SGMS1: variants seen among roughly 807,000 people sequenced by gnomAD.
SGMS1 encodes sphingomyelin synthase 1.
In SGMS1, 13 loss-of-function variants were observed where a neutral mutation model predicts 46.2. The observed-to-expected ratio is 0.28, with a 90% confidence interval of 0.18 to 0.45. SGMS1 has a LOEUF of 0.45. Among genes scored for constraint, SGMS1 ranks in the 20% least tolerant of loss-of-function variants. SGMS1 has a pLI of 1.00. For missense variants in SGMS1, 324 were observed against 519.9 expected (o/e 0.62, Z 3.66); for synonymous variants, 203 against 187.8 (o/e 1.08, Z -0.66).
intron 3 of SGMS1, among the ~76,000 whole-genome samples, chr10:50,479,481 T>C (rs1244134415): frequency 6.6e-6 from 1 of 152,192 alleles, no homozygotes; most frequent in Admixed American, 6.5e-5. Context: ...ATATTGGAGA[T>C]TAACTGTCGA....
intron 6 of SGMS1, among the ~76,000 whole-genome samples, chr10:50,387,928 C>T (rs551612240): frequency 1.3e-5 from 2 of 152,168 alleles, no homozygotes; most frequent in Admixed American, 1.3e-4. Flanking sequence ...AACAATTGGC[C>T]CCCTTTGATT....
intron 9 of SGMS1, among the ~76,000 whole-genome samples, chr10:50,309,698 C>G (rs186941225): frequency 4.7e-4 from 72 of 152,322 alleles, no homozygotes; most frequent in Admixed American, 2.2e-3. Context: ...TAAGTATAAG[C>G]ACTGGAACAT....
At chr10:50,493,179 T>C (rs1201657359) in intron 3 of SGMS1, among the ~76,000 whole-genome samples, 1 of 152,198 alleles carries the variant, frequency 6.6e-6, no homozygotes, top group Non-Finnish European at 1.5e-5. Context: ...TACAGCTATC[T>C]GATCTTCAAC....
chr10:50,581,352 G>C (rs971415082), intron 2 of SGMS1, among the ~76,000 whole-genome samples: 2 of 152,192 alleles, frequency 1.3e-5, no homozygotes, highest in Admixed American at 1.3e-4. Context: ...GAGGCTGCAG[G>C]TTATGCCTCA....
chr10:50,433,064 T>C lies in SGMS1; in HGVS notation c.-232+412A>G, dbSNP rs16937137. Among the ~76,000 whole-genome samples, 1,033 of 152,298 alleles carry C rather than the reference T, an allele frequency of 6.8e-3. 13 individuals carry two copies. The highest frequency in any genetic ancestry group is 0.024 in the African/African-American group (990 of 41,554). On this transcript the variant is annotated intron_variant, in intron 6 of 10. Transcript: ENST00000361781. Reference sequence around the variant, plus strand: ...TCAATTTTAATCATATTCACCAAATTTGTTCATATTTACTTCAAAATATGC... The same window carrying C: ...TCAATTTTAATCATATTCACCAAATCTGTTCATATTTACTTCAAAATATGC...
chr10:50,494,968 G>A (rs1249231307), intron 3 of SGMS1, among the ~76,000 whole-genome samples: 3 of 150,482 alleles, frequency 2.0e-5, no homozygotes, highest in African/African-American at 7.3e-5. Context: ...CCCGGGAGGC[G>A]GAGCTTGCAG....
chr10:50,562,337 AGTGTGT>A (rs758431447), intron 2 of SGMS1, among the ~76,000 whole-genome samples: 2 of 132,254 alleles, frequency 1.5e-5, no homozygotes, highest in African/African-American at 5.6e-5. Context: ...ACACTCTCTG[AGTGTGT>A]GTGTGTGTGT....
chr10:50,529,034 T>C (rs1014538031), intron 2 of SGMS1, among the ~76,000 whole-genome samples: 2 of 152,216 alleles, frequency 1.3e-5, no homozygotes, highest in Non-Finnish European at 2.9e-5. Flanking sequence ...AATACATTGG[T>C]TCCTACAGCT....
chr10:50,396,379 A>T (rs1848848359), intron 6 of SGMS1, among the ~76,000 whole-genome samples: 2 of 152,152 alleles, frequency 1.3e-5, no homozygotes, highest in African/African-American at 4.8e-5. Flanking sequence ...CTTCCCTAGG[A>T]TGTTTTGCAT....
At chr10:50,421,140 A>G (rs1588809631) in intron 6 of SGMS1, among the ~76,000 whole-genome samples, 1 of 152,174 alleles carries the variant, frequency 6.6e-6, no homozygotes, top group East Asian at 1.9e-4. Flanking sequence ...GATTCTCAAC[A>G]TATAGTTATC....
intron 2 of SGMS1, among the ~76,000 whole-genome samples, chr10:50,563,660 G>A (rs992231839): frequency 1.1e-4 from 16 of 145,418 alleles, no homozygotes; most frequent in Admixed American, 9.6e-4. Context: ...GGAGAATGGC[G>A]TGAACCCGGG....
chr10:50,468,626 G>A (rs1837352016), intron 3 of SGMS1, among the ~76,000 whole-genome samples: 1 of 152,108 alleles, frequency 6.6e-6, no homozygotes, highest in African/African-American at 2.4e-5. Context: ...AGATGCAAAG[G>A]GCAAATTACC....
chr10:50,340,901 G>C (rs901933457), intron 7 of SGMS1, among the ~76,000 whole-genome samples: 1 of 152,138 alleles, frequency 6.6e-6, no homozygotes, highest in Non-Finnish European at 1.5e-5. Context: ...AGGATAGACT[G>C]ATTTTTTAAG....
intron 5 of SGMS1, among the ~76,000 whole-genome samples, chr10:50,435,054 T>C (rs1849457557): frequency 6.6e-6 from 1 of 152,186 alleles, no homozygotes; most frequent in African/African-American, 2.4e-5. Flanking sequence ...AACAGATTCA[T>C]TGGCTAGCTA....
intron 6 of SGMS1, among the ~76,000 whole-genome samples, chr10:50,421,875 G>A (rs1435717337): frequency 6.6e-6 from 1 of 152,160 alleles, no homozygotes; most frequent in African/African-American, 2.4e-5. Flanking sequence ...CCATGTTGGT[G>A]CTCTTTAGTC....
At chr10:50,434,754 G>A (rs1203586175) in intron 5 of SGMS1, among the ~76,000 whole-genome samples, 35 of 151,398 alleles carry the variant, frequency 2.3e-4, no homozygotes, top group South Asian at 1.3e-3. Flanking sequence ...GCGTGGTGGC[G>A]GGTGCCTGTG....
intron 7 of SGMS1, 126 bp downstream of exon 7, chr10:50,343,366 A>T (rs2060561): frequency 0.19 from 221,556 of 1,153,888 alleles, 21,930 homozygotes; most frequent in Admixed American, 0.27. Context: ...GTATGTGTTT[A>T]AAAAAGAAAA....
chr10:50,493,780 A>C (rs1645095769), intron 3 of SGMS1, among the ~76,000 whole-genome samples: 1 of 151,996 alleles, frequency 6.6e-6, no homozygotes, highest in South Asian at 2.1e-4. Context: ...AACTCACACC[A>C]GTCAGAATGG....
intron 3 of SGMS1, chr10:50,472,801 A>T (rs901769068): frequency 6.6e-6 from 1 of 152,170 alleles, no homozygotes; most frequent in Non-Finnish European, 1.5e-5. Flanking sequence ...AAAAGTGCAC[A>T]GGGGTTCCCT....
Sources: gnomAD v4.1 joint callset for allele counts (sites outside exome capture counted in the v4.1 genomes callset) on GRCh38, gnomAD v4.1.1 for gene constraint, MANE v1.5 for transcripts, NCBI Gene and HGNC (gene_info 2026-07-23, HGNC 2026-07-21) for gene names.